Variants in MARCHF1 observed in about 807,000 individuals in gnomAD.
The protein encoded by MARCHF1 is membrane associated ring-CH-type finger 1.
A neutral mutation model predicts 54.2 loss-of-function variants in MARCHF1; 40 were observed. That is an observed-to-expected ratio of 0.74 (90% confidence interval 0.57 to 0.96). MARCHF1 has a LOEUF of 0.96. Ranked by LOEUF, MARCHF1 falls within the 40% of genes least tolerant of loss-of-function variation. The pLI is 0.00. For synonymous variants in MARCHF1, 236 were observed against 236.3 expected (o/e 1.00, Z 0.01); for missense variants, 586 against 656.5 (o/e 0.89, Z 1.17).
intron 4 of MARCHF1, among the ~76,000 whole-genome samples, chr4:163,740,031 A>G (rs187397926): frequency 8.5e-5 from 13 of 152,268 alleles, no homozygotes; most frequent in Admixed American, 3.9e-4. Context: ...CAATATGTAA[A>G]TTACCTGATC....
At chr4:164,130,951 T>C (rs1756288516) in intron 1 of MARCHF1, among the ~76,000 whole-genome samples, 1 of 152,196 alleles carries the variant, frequency 6.6e-6, no homozygotes, top group Non-Finnish European at 1.5e-5. Context: ...TTTACATTGA[T>C]AAAAATGATT....
At chr4:164,336,535 T>C (rs1175523841) in intron 1 of MARCHF1, among the ~76,000 whole-genome samples, 2 of 152,208 alleles carry the variant, frequency 1.3e-5, no homozygotes, top group South Asian at 2.1e-4. Context: ...TTTAAAATAA[T>C]GCATCTTGGA....
At chr4:163,634,742 C>A (rs201194126) in intron 5 of MARCHF1, among the ~76,000 whole-genome samples, 8 of 148,830 alleles carry the variant, frequency 5.4e-5, no homozygotes, top group Non-Finnish European at 1.2e-4. Flanking sequence ...CTGCACCAAG[C>A]GGACCTAATA....
In MARCHF1 at chr4:163,585,854, G is replaced by A. The variant is rs780435647; in HGVS notation, c.1086C>T (p.Val362=). Reference sequence around the variant, plus strand: ...TCCACTGGTGGAGGCAGGACTGGTGGACAAAGCGCAGTGTCCCAGTGCAGC... The same window carrying A: ...TCCACTGGTGGAGGCAGGACTGGTGAACAAAGCGCAGTGTCCCAGTGCAGC... ...PCRCTGTLRF[V]HQSCLHQWIK... is the part of the protein sequence containing the mutation. The change falls in exon 8 of 10, where the codon GTC becomes GTT. Residue 362 remains valine, a synonymous_variant. Coordinates refer to ENST00000514618, the MANE Select transcript of MARCHF1 (RefSeq NM_001394959.1). 4.0e-5 allele frequency: 64 copies of A among 1,613,948 alleles called. No homozygotes were observed. Among genetic ancestry groups the A allele is most frequent in the Non-Finnish European group, 4.9e-5 (58 of 1,179,976 alleles).
intron 1 of MARCHF1, among the ~76,000 whole-genome samples, chr4:164,328,815 C>T (rs1458557037): frequency 2.6e-5 from 4 of 152,146 alleles, no homozygotes; most frequent in African/African-American, 9.7e-5. Context: ...CAGGCAGGAG[C>T]CACCACACCC....
intron 2 of MARCHF1, among the ~76,000 whole-genome samples, chr4:164,017,070 C>CTTATCCCAT (rs1753558935): frequency 1.3e-5 from 2 of 151,972 alleles, no homozygotes; most frequent in Middle Eastern, 6.8e-3. Flanking sequence ...ATAAATGGGT[C>CTTATCCCAT]TTATCCCAAA....
At chr4:163,884,192 C>T (rs546442673) in intron 3 of MARCHF1, among the ~76,000 whole-genome samples, 4 of 152,114 alleles carry the variant, frequency 2.6e-5, no homozygotes, top group Admixed American at 6.5e-5. Context: ...GCTTAAGTGG[C>T]CTTCTGAGAG....
At chr4:163,623,626 T>C (rs965100194) in intron 5 of MARCHF1, among the ~76,000 whole-genome samples, 2 of 152,150 alleles carry the variant, frequency 1.3e-5, no homozygotes, top group South Asian at 2.1e-4. Context: ...AGGTGGAAAA[T>C]TCTAAGAGAT....
intron 3 of MARCHF1, chr4:163,933,136 A>G (rs948349755): frequency 2.1e-6 from 2 of 952,324 alleles, no homozygotes; most frequent in Non-Finnish European, 3.2e-6. Flanking sequence ...GATACACTGA[A>G]TGAAGATTCA....
At chr4:164,118,931 G>A (rs1755997959) in intron 1 of MARCHF1, among the ~76,000 whole-genome samples, 1 of 123,790 alleles carries the variant, frequency 8.1e-6, no homozygotes, top group South Asian at 2.9e-4. Context: ...AAGTAGATAT[G>A]AGAATAAATT....
At chr4:163,827,375 G>A (rs1404779567) in intron 4 of MARCHF1, among the ~76,000 whole-genome samples, 3 of 152,060 alleles carry the variant, frequency 2.0e-5, no homozygotes, top group East Asian at 3.9e-4. Context: ...ACTTCCGTAG[G>A]AGATTATTCT....
intron 4 of MARCHF1, among the ~76,000 whole-genome samples, chr4:163,832,711 G>C (rs912346670): frequency 2.0e-5 from 3 of 150,424 alleles, no homozygotes; most frequent in African/African-American, 7.3e-5. Context: ...TTAGCATTAG[G>C]TATATCTCCT....
At chr4:163,541,191 C>G in intron 9 of MARCHF1, among the ~76,000 whole-genome samples, 1 of 152,216 alleles carries the variant, frequency 6.6e-6, no homozygotes, top group East Asian at 1.9e-4. Flanking sequence ...CAAGTATTTT[C>G]TGAATAATGA....
intron 1 of MARCHF1, among the ~76,000 whole-genome samples, chr4:164,361,655 C>T (rs759579164): frequency 1.3e-5 from 2 of 152,014 alleles, no homozygotes; most frequent in Non-Finnish European, 2.9e-5. Flanking sequence ...TAACGTATGC[C>T]AAAAGAATCC....
intron 8 of MARCHF1, among the ~76,000 whole-genome samples, chr4:163,548,662 G>A (rs991359727): frequency 1.3e-5 from 2 of 152,204 alleles, no homozygotes; most frequent in African/African-American, 4.8e-5. Context: ...ACAAGTAAAT[G>A]TAATGCCACA....
At chr4:164,358,161 C>T (rs770519322) in intron 1 of MARCHF1, among the ~76,000 whole-genome samples, 10 of 152,126 alleles carry the variant, frequency 6.6e-5, no homozygotes, top group Middle Eastern at 3.2e-3. Context: ...TCAGAGGAGA[C>T]TTTGTAAAGC....
chr4:163,724,271 G>C (rs182384600), intron 4 of MARCHF1, among the ~76,000 whole-genome samples: 1 of 152,282 alleles, frequency 6.6e-6, no homozygotes, highest in African/African-American at 2.4e-5. Flanking sequence ...GTTTGCTGGA[G>C]GTCCACTCTA....
intron 4 of MARCHF1, among the ~76,000 whole-genome samples, chr4:163,770,323 T>C (rs1747117994): frequency 6.6e-6 from 1 of 152,148 alleles, no homozygotes; most frequent in South Asian, 2.1e-4. Flanking sequence ...CCTAAACTTG[T>C]CTTTAAATGG....
chr4:164,217,701 G>C (rs114533811), intron 1 of MARCHF1, among the ~76,000 whole-genome samples: 1 of 152,182 alleles, frequency 6.6e-6, no homozygotes, highest in Non-Finnish European at 1.5e-5. Flanking sequence ...TGTTAAAATA[G>C]AACTCAAGAG....
Sources: gnomAD v4.1 joint callset for allele counts (sites outside exome capture counted in the v4.1 genomes callset) on GRCh38, gnomAD v4.1.1 for gene constraint, MANE v1.5 for transcripts, NCBI Gene and HGNC (gene_info 2026-07-23, HGNC 2026-07-21) for gene names.